COL19A1: variants seen among roughly 807,000 people sequenced by gnomAD.
The protein encoded by COL19A1 is collagen alpha-1(XIX) chain.
Under a neutral mutation model 190.2 loss-of-function variants are expected in COL19A1, and 159 were observed. The ratio of observed to expected loss-of-function variants is 0.84; its 90% CI spans 0.73 to 0.95. The LOEUF (loss-of-function observed/expected upper bound fraction) is 0.95. COL19A1 is among the 40% of genes least tolerant of loss of function. The pLI is 0.00. For missense variants in COL19A1, 1,418 were observed against 1,431.9 expected (o/e 0.99, Z 0.16); for synonymous variants, 509 against 458.9 (o/e 1.11, Z -1.39).
At position 70,210,878 on chromosome 6, in the gene COL19A1, TG is replaced by T. The variant is rs1187383983; in HGVS notation, c.*3606del. Among the ~76,000 whole-genome samples the T allele has an allele frequency of 4.6e-5, 7 of 152,316 alleles. No homozygotes were observed. Among genetic ancestry groups the T allele is most frequent in the African/African-American group, 1.7e-4 (7 of 41,588 alleles). ...TTTATGAAACAGGCACAGTACCCTT[TG>T]GTTTGTTGACTGTTTTGATTTTATT... On this transcript the variant is annotated 3_prime_UTR_variant, in exon 51 of 51. Transcript: ENST00000620364.
At chr6:70,104,345 G>T (rs1187178204) in intron 16 of COL19A1, among the ~76,000 whole-genome samples, 1 of 152,206 alleles carries the variant, frequency 6.6e-6, no homozygotes, top group Non-Finnish European at 1.5e-5. Flanking sequence ...AGTCATGGCA[G>T]AAGGGAGAAG....
intron 15 of COL19A1, among the ~76,000 whole-genome samples, chr6:70,097,382 T>G (rs1783341419): frequency 6.6e-6 from 1 of 152,250 alleles, no homozygotes; most frequent in South Asian, 2.1e-4. Context: ...ATTGTCTTCC[T>G]TTTTAAGGCT....
intron 1 of COL19A1, among the ~76,000 whole-genome samples, chr6:69,872,925 G>C (rs1767924010): frequency 6.6e-6 from 1 of 152,160 alleles, no homozygotes; most frequent in Admixed American, 6.5e-5. Context: ...GTAGGAATGT[G>C]ATATGTCTGT....
chr6:70,176,370 A>G, intron 41 of COL19A1, 150 bp from the exon 42 acceptor site: 1 of 601,442 alleles, frequency 1.7e-6, no homozygotes. Flanking sequence ...TTTTCCATCT[A>G]CACACTAGCT....
chr6:69,883,785 G>A (rs1768726329), intron 2 of COL19A1, among the ~76,000 whole-genome samples: 1 of 152,174 alleles, frequency 6.6e-6, no homozygotes, highest in African/African-American at 2.4e-5. Context: ...TCTGTGTCCA[G>A]AGAGCAACTA....
intron 2 of COL19A1, among the ~76,000 whole-genome samples, chr6:69,883,299 G>C (rs1201672393): frequency 6.6e-6 from 1 of 152,128 alleles, no homozygotes; most frequent in Non-Finnish European, 1.5e-5. Context: ...AAGGTCAAAG[G>C]CTAGACCTTG....
chr6:70,179,063 C>A (rs566700502), intron 42 of COL19A1, among the ~76,000 whole-genome samples: 22 of 152,250 alleles, frequency 1.4e-4, no homozygotes, highest in African/African-American at 5.1e-4. Context: ...CCCTTCAGGT[C>A]ATTGGCCTTC....
At chr6:69,926,463 GC>G (rs1470945192) in intron 4 of COL19A1, among the ~76,000 whole-genome samples, 2 of 152,078 alleles carry the variant, frequency 1.3e-5, no homozygotes. Flanking sequence ...TTATTAAGAA[GC>G]AGCAAATCAA....
chr6:70,120,748 T>C (rs1419821575), intron 16 of COL19A1, among the ~76,000 whole-genome samples: 2 of 152,190 alleles, frequency 1.3e-5, no homozygotes, highest in African/African-American at 4.8e-5. Context: ...CTCATTCTTG[T>C]GCCCTTTATG....
intron 20 of COL19A1, 137 bp downstream of exon 20, chr6:70,141,126 G>T: frequency 1.4e-6 from 1 of 722,134 alleles, no homozygotes; most frequent in Admixed American, 3.0e-5. Flanking sequence ...TTTCCTCTGT[G>T]ATTTTTAACT....
chr6:69,873,498 G>A (rs1033969612), intron 1 of COL19A1, among the ~76,000 whole-genome samples: 2 of 152,204 alleles, frequency 1.3e-5, no homozygotes, highest in Non-Finnish European at 2.9e-5. Flanking sequence ...CTTTGGTTTA[G>A]GCCAGAGGCC....
intron 9 of COL19A1, among the ~76,000 whole-genome samples, chr6:69,954,585 G>A (rs1055377148): frequency 1.6e-4 from 25 of 151,996 alleles, no homozygotes; most frequent in Admixed American, 7.9e-4. Context: ...AAGTTTACAG[G>A]TATTGCTTCC....
intron 33 of COL19A1, 66 bp downstream of exon 33, chr6:70,156,435 A>C (rs1353602311): frequency 6.8e-7 from 1 of 1,461,842 alleles, no homozygotes; most frequent in African/African-American, 1.4e-5. Flanking sequence ...AAAGAACCCG[A>C]TTTGAAAATA....
intron 34 of COL19A1, among the ~76,000 whole-genome samples, chr6:70,159,055 T>C (rs1787614182): frequency 6.6e-6 from 1 of 151,486 alleles, no homozygotes; most frequent in African/African-American, 2.4e-5. Context: ...AATGTGGTCA[T>C]CAAAGGTTAA....
At chr6:69,993,071 G>A (rs1486924125) in intron 11 of COL19A1, among the ~76,000 whole-genome samples, 1 of 152,076 alleles carries the variant, frequency 6.6e-6, no homozygotes, top group Non-Finnish European at 1.5e-5. Context: ...TGCCCATTCG[G>A]TATAATGTTG....
intron 16 of COL19A1, among the ~76,000 whole-genome samples, chr6:70,112,619 T>A (rs1784346541): frequency 6.6e-6 from 1 of 152,152 alleles, no homozygotes; most frequent in Non-Finnish European, 1.5e-5. Context: ...AAATATATTT[T>A]TTTCTGCCTT....
At chr6:69,919,167 T>C (rs1238269578) in intron 4 of COL19A1, among the ~76,000 whole-genome samples, 1 of 152,226 alleles carries the variant, frequency 6.6e-6, no homozygotes, top group South Asian at 2.1e-4. Context: ...GTTCTCTCTC[T>C]GTGTCTTCCC....
chr6:69,949,555 C>T (rs1325793612), intron 9 of COL19A1, among the ~76,000 whole-genome samples: 1 of 151,568 alleles, frequency 6.6e-6, no homozygotes, highest in Non-Finnish European at 1.5e-5. Flanking sequence ...TAAAATCATC[C>T]TCATGAGGTT....
intron 10 of COL19A1, among the ~76,000 whole-genome samples, chr6:69,960,438 T>C (rs1774708531): frequency 6.6e-6 from 1 of 152,194 alleles, no homozygotes; most frequent in Non-Finnish European, 1.5e-5. Flanking sequence ...GAGCTAAACA[T>C]AATAGTTAGA....
Sources: allele counts gnomAD v4.1 joint callset (sites outside exome capture counted in the v4.1 genomes callset), GRCh38; gene constraint gnomAD v4.1.1; transcripts MANE v1.5; gene names NCBI Gene and HGNC (gene_info 2026-07-23, HGNC 2026-07-21).